Variants in IMMP2L observed in about 807,000 individuals in gnomAD.
IMMP2L encodes mitochondrial inner membrane protease subunit 2.
IMMP2L carries 18 observed loss-of-function variants against 19.3 expected under a neutral mutation model. That is an observed-to-expected ratio of 0.93 (90% CI 0.64 to 1.38). The LOEUF (loss-of-function observed/expected upper bound fraction) is 1.38, where lower values mean the gene tolerates loss of function less well. Ranked by LOEUF, IMMP2L falls within the 40% of genes most tolerant of loss-of-function variation. The pLI is 0.00. For missense variants in IMMP2L, 233 were observed against 218.2 expected (o/e 1.07, Z -0.43); for synonymous variants, 76 against 73.0 (o/e 1.04, Z -0.21).
At chr7:110,691,917 A>C (rs187216302) in intron 5 of IMMP2L, among the ~76,000 whole-genome samples, 2 of 152,346 alleles carry the variant, frequency 1.3e-5, no homozygotes, top group East Asian at 3.9e-4. Flanking sequence ...AAGAAATTAA[A>C]AGTAGATTTA....
At position 111,528,171 on chromosome 7, in the gene IMMP2L, A is replaced by G. The variant is rs1353351565; in HGVS notation, c.-2-6722T>C. ...GCAAAGTTAATGCACCTCCTTGTCT[A>G]TGTAAATTGCCAAAGAATCATTCAG... On this transcript the variant is annotated intron_variant, in intron 1 of 5. Coordinates refer to ENST00000405709, the MANE Select transcript of IMMP2L (RefSeq NM_032549.4). Among the ~76,000 whole-genome samples, 9 of 152,182 alleles carry G rather than the reference A, an allele frequency of 5.9e-5. No homozygotes were observed. In the East Asian group the frequency reaches 1.7e-3, roughly 29 times the overall value.
intron 4 of IMMP2L, among the ~76,000 whole-genome samples, chr7:110,955,116 T>C (rs1480205416): frequency 1.3e-5 from 2 of 152,006 alleles, no homozygotes; most frequent in Admixed American, 6.6e-5. Flanking sequence ...AAAGAGACTA[T>C]ATATGAACTT....
chr7:111,450,097 G>A (rs965364426), intron 3 of IMMP2L, among the ~76,000 whole-genome samples: 3 of 151,842 alleles, frequency 2.0e-5, no homozygotes, highest in Admixed American at 6.6e-5. Flanking sequence ...CATGCTCATG[G>A]GTAGGAAGAA....
At chr7:111,049,860 CT>C (rs993462457) in intron 3 of IMMP2L, among the ~76,000 whole-genome samples, 1 of 152,320 alleles carries the variant, frequency 6.6e-6, no homozygotes. Flanking sequence ...GGGAAATTAA[CT>C]GCTGTTCCGT....
chr7:111,308,945 C>G (rs1823191171), intron 3 of IMMP2L, among the ~76,000 whole-genome samples: 1 of 152,066 alleles, frequency 6.6e-6, no homozygotes. Flanking sequence ...TGTGAAGATA[C>G]TGGTTAAAAC....
rs914158936 is a variant in IMMP2L at position 110,758,814 on chromosome 7, G to A, written c.409-95093C>T. On this transcript the variant is annotated intron_variant, in intron 5 of 5. Transcript: ENST00000405709. The surrounding 1 kb of genome is among the most constrained non-coding windows in gnomAD (Gnocchi z 4.6). ...GTAACTACTGGTCATTGCAGTGCCT[G>A]GAAAATTAATGAGTTATATAAGTAA... 1.3e-5 allele frequency among the ~76,000 whole-genome samples: 2 copies of A among 151,926 alleles called. No homozygotes were observed. Among genetic ancestry groups the A allele is most frequent in the African/African-American group, 4.8e-5 (2 of 41,386 alleles).
intron 5 of IMMP2L, among the ~76,000 whole-genome samples, chr7:110,814,019 T>C (rs560910592): frequency 6.6e-6 from 1 of 152,158 alleles, no homozygotes; most frequent in Non-Finnish European, 1.5e-5. Flanking sequence ...CTTATGAGTA[T>C]ATTAACTAAA....
intron 3 of IMMP2L, among the ~76,000 whole-genome samples, chr7:111,005,030 C>A (rs1824142799): frequency 6.6e-6 from 1 of 152,124 alleles, no homozygotes; most frequent in Non-Finnish European, 1.5e-5. Context: ...ATGAACTACT[C>A]AGGAGCCCAC....
At chr7:110,823,937 T>A (rs1803247652) in intron 5 of IMMP2L, among the ~76,000 whole-genome samples, 1 of 152,098 alleles carries the variant, frequency 6.6e-6, no homozygotes, top group Non-Finnish European at 1.5e-5. Context: ...AGAAGTCTGA[T>A]CTATGATATT....
chr7:111,068,028 T>G (rs968749416), intron 3 of IMMP2L, among the ~76,000 whole-genome samples: 3 of 152,122 alleles, frequency 2.0e-5, no homozygotes, highest in Non-Finnish European at 4.4e-5. Context: ...ATTTGAAGTG[T>G]GAAGCATTAA....
intron 3 of IMMP2L, among the ~76,000 whole-genome samples, chr7:111,070,187 GA>G (rs1363438727): frequency 6.6e-6 from 1 of 152,246 alleles, no homozygotes; most frequent in South Asian, 2.1e-4. Context: ...TTTGAATAAT[GA>G]AAAGAAAGTT....
intron 5 of IMMP2L, among the ~76,000 whole-genome samples, chr7:110,748,338 A>T (rs903325105): frequency 6.6e-6 from 1 of 152,194 alleles, no homozygotes; most frequent in Non-Finnish European, 1.5e-5. Flanking sequence ...TAATTTATAG[A>T]TTTAATGCTA....
intron 3 of IMMP2L, among the ~76,000 whole-genome samples, chr7:111,098,092 T>C (rs1797594578): frequency 1.3e-5 from 2 of 151,800 alleles, no homozygotes; most frequent in Admixed American, 6.6e-5. Flanking sequence ...TAAGAACATA[T>C]AAACTTTGAA....
rs566518136 is a variant in IMMP2L, at chr7:111,320,839, G to C, written c.239+166399C>G. ...ATGCTTATAGTTATCATACCATACA[G>C]TACTGTTTACTTTGTTCTTCCTCCC... On this transcript the variant is annotated intron_variant, in intron 3 of 5. Transcript: ENST00000405709. 3.9e-5 allele frequency among the ~76,000 whole-genome samples: 6 copies of C among 152,016 alleles called. No homozygotes were observed. In the East Asian group the frequency reaches 1.2e-3, roughly 29 times the overall value.
At chr7:111,253,995 A>G (rs1017213627) in intron 3 of IMMP2L, among the ~76,000 whole-genome samples, 1 of 152,154 alleles carries the variant, frequency 6.6e-6, no homozygotes, top group Non-Finnish European at 1.5e-5. Context: ...GCCAAACATA[A>G]TATTTATGGA....
Position 110,963,480 on chromosome 7 carries a change from AAAC to A in IMMP2L, c.305+17_305+19del. Reference sequence around the variant, plus strand: ...CTAGATATTTAAAACTTGAACTCAGAAACAACAGTAAATACTTACCTGACAATA... The same window carrying A: ...CTAGATATTTAAAACTTGAACTCAGAAACAGTAAATACTTACCTGACAATA... On this transcript the variant is annotated intron_variant, in intron 4 of 5. Transcript: ENST00000405709. The A allele has an allele frequency of 6.5e-7, 1 of 1,535,828 alleles. No homozygotes were observed. Among genetic ancestry groups the A allele is most frequent in the South Asian group, 1.2e-5 (1 of 86,772 alleles).
intron 3 of IMMP2L, among the ~76,000 whole-genome samples, chr7:111,253,714 T>C (rs1017495446): frequency 1.6e-4 from 24 of 152,194 alleles, no homozygotes; most frequent in Admixed American, 1.4e-3. Flanking sequence ...AAAATATGTA[T>C]CAATATGTGT....
intron 3 of IMMP2L, among the ~76,000 whole-genome samples, chr7:111,087,174 G>T (rs1036072306): frequency 6.6e-6 from 1 of 152,120 alleles, no homozygotes; most frequent in African/African-American, 2.4e-5. Flanking sequence ...TCTTTGCCGG[G>T]CGCGGTGGCT....
intron 3 of IMMP2L, among the ~76,000 whole-genome samples, chr7:111,412,770 G>C (rs1213639961): frequency 6.6e-6 from 1 of 151,518 alleles, no homozygotes; most frequent in Non-Finnish European, 1.5e-5. Context: ...AATTTTTAAG[G>C]ATTCCCCAGA....
Sources: gnomAD v4.1 joint callset for allele counts (sites outside exome capture counted in the v4.1 genomes callset) on GRCh38, gnomAD v4.1.1 for gene constraint, Gnocchi (gnomAD v3.1) non-coding constraint, MANE v1.5 for transcripts, NCBI Gene and HGNC (gene_info 2026-07-23, HGNC 2026-07-21) for gene names.